The following MAST4 variants were observed in gnomAD, a reference collection of about 807,000 sequenced individuals.
MAST4 encodes the protein microtubule-associated serine/threonine-protein kinase 4.
MAST4 carries 89 observed loss-of-function variants against 162.7 expected under a neutral mutation model. The observed-to-expected ratio is 0.55, with a 90% CI of 0.46 to 0.65. MAST4 has a LOEUF of 0.65. Ranked by LOEUF, MAST4 falls within the 30% of genes least tolerant of loss-of-function variation. MAST4 has a pLI of 0.00. For missense variants in MAST4, 3,153 were observed against 3,374.0 expected (o/e 0.93, Z 1.62); for synonymous variants, 1,479 against 1,361.1 (o/e 1.09, Z -1.91).
chr5:66,678,030 G>A (rs1048258907), intron 1 of MAST4, among the ~76,000 whole-genome samples: 2 of 152,164 alleles, frequency 1.3e-5, no homozygotes, highest in African/African-American at 2.4e-5. Flanking sequence ...GGAATTGGAA[G>A]CATTGAAGAA....
intron 3 of MAST4, among the ~76,000 whole-genome samples, chr5:66,846,267 G>A (rs960116737): frequency 6.6e-6 from 1 of 152,190 alleles, no homozygotes; most frequent in Non-Finnish European, 1.5e-5. Context: ...AGTAGAAGTT[G>A]TATCTGGGAT....
intron 1 of MAST4, among the ~76,000 whole-genome samples, chr5:66,654,785 C>T (rs905762192): frequency 6.6e-6 from 1 of 152,058 alleles, no homozygotes; most frequent in African/African-American, 2.4e-5. Context: ...ATGAGAGAAT[C>T]ACACAAAATT....
chr5:67,022,879 T>C (rs1247657852), intron 4 of MAST4, among the ~76,000 whole-genome samples: 1 of 151,872 alleles, frequency 6.6e-6, no homozygotes, highest in Non-Finnish European at 1.5e-5. Flanking sequence ...ACAGTAGCTT[T>C]TTTTTTTTAA....
intron 2 of MAST4, among the ~76,000 whole-genome samples, chr5:66,783,104 A>G (rs921865476): frequency 6.6e-6 from 1 of 152,188 alleles, no homozygotes; most frequent in African/African-American, 2.4e-5. Flanking sequence ...CATTCATATG[A>G]TTCCTCAGGA....
chr5:66,634,470 G>A (rs867702855), intron 1 of MAST4, among the ~76,000 whole-genome samples: 15 of 152,104 alleles, frequency 9.9e-5, no homozygotes, highest in South Asian at 2.1e-4. Flanking sequence ...CTAGAATTTC[G>A]TATCATGGAT....
chr5:67,100,539 C>T lies in MAST4; in HGVS notation c.1017C>T (p.Ala339=), dbSNP rs1470815872. The change falls in exon 8 of 29, where the codon GCC becomes GCT. Residue 339 remains alanine (A), a synonymous_variant. Coordinates refer to ENST00000403625, the MANE Select transcript of MAST4 (RefSeq NM_001164664.2). ...ATTTCTGTACCACCGAAAGCATCGC[C>T]ACTGAGAACAGATGCAGGAACACGC... is the stretch of plus-strand genomic sequence containing the variant. ...SKHFCTTESI[A]TENRCRNTPM... is the part of the protein sequence containing the mutation. The T allele has an allele frequency of 1.2e-6, 2 of 1,613,970 alleles. No homozygotes were observed. The highest frequency in any genetic ancestry group is 1.7e-6 in the Non-Finnish European group (2 of 1,179,858).
chr5:66,757,470 T>C (rs1753610272), intron 1 of MAST4, among the ~76,000 whole-genome samples: 1 of 152,244 alleles, frequency 6.6e-6, no homozygotes, highest in African/African-American at 2.4e-5. Context: ...AATTTTTTAA[T>C]GTTAAGTCTA....
At chr5:67,099,955 C>T (rs532119198) in intron 7 of MAST4, among the ~76,000 whole-genome samples, 6 of 152,160 alleles carry the variant, frequency 3.9e-5, no homozygotes, top group Non-Finnish European at 7.4e-5. Context: ...TTACTCATGC[C>T]ACACACTGAT....
chr5:66,896,667 T>C (rs1762705795), intron 3 of MAST4, among the ~76,000 whole-genome samples: 1 of 152,242 alleles, frequency 6.6e-6, no homozygotes, highest in African/African-American at 2.4e-5. Context: ...AGCTGTTAAA[T>C]ACCAAAAATT....
chr5:66,777,815 G>C (rs1754673561), intron 2 of MAST4, among the ~76,000 whole-genome samples: 1 of 152,068 alleles, frequency 6.6e-6, no homozygotes, highest in Non-Finnish European at 1.5e-5. Flanking sequence ...GGAGGATGAG[G>C]AGGAAGACAG....
At chr5:66,642,763 A>G (rs1168548045) in intron 1 of MAST4, among the ~76,000 whole-genome samples, 3 of 152,184 alleles carry the variant, frequency 2.0e-5, no homozygotes, top group Admixed American at 6.5e-5. Context: ...TATTCAAACA[A>G]AATTGGTGGC....
rs752899929 is a variant in MAST4, at chr5:67,167,070, A to G, written c.*19A>G. ...CTTGTAACGGGGAGGGCCCAGGGGC[A>G]GGACTGTGGAGACCCGTCCTGAACG... is the stretch of plus-strand genomic sequence containing the variant. On this transcript the variant is annotated 3_prime_UTR_variant, in exon 29 of 29. Coordinates refer to ENST00000403625, the MANE Select transcript of MAST4 (RefSeq NM_001164664.2). 3 of 1,550,428 alleles carry G rather than the reference A, an allele frequency of 1.9e-6. No individual in the cohort carries two copies. The highest frequency in any genetic ancestry group is 2.6e-6 in the Non-Finnish European group (3 of 1,148,254).
At chr5:67,037,590 G>A (rs34364805) in intron 4 of MAST4, among the ~76,000 whole-genome samples, 4 of 152,230 alleles carry the variant, frequency 2.6e-5, no homozygotes, top group Admixed American at 6.5e-5. Flanking sequence ...AAAAATATCA[G>A]GGAAGCAGTT....
chr5:67,142,241 T>C lies in MAST4; in HGVS notation c.2617+4T>C, dbSNP rs1424183797. 1.2e-6 allele frequency: 2 copies of C among 1,613,624 alleles called. No individual in the cohort carries two copies. The highest frequency in any genetic ancestry group is 1.7e-6 in the Non-Finnish European group (2 of 1,179,778). On this transcript the variant is annotated splice_donor_region_variant and intron_variant, in intron 20 of 28. Coordinates refer to ENST00000403625, the MANE Select transcript of MAST4 (RefSeq NM_001164664.2). Reference sequence around the variant, plus strand: ...GATGACACAAGTTATTTTGATAGTATGTGCTTTATCTGACATAAAACATTG... The same window carrying C: ...GATGACACAAGTTATTTTGATAGTACGTGCTTTATCTGACATAAAACATTG...
At chr5:67,070,720 A>G (rs1760853312) in intron 5 of MAST4, among the ~76,000 whole-genome samples, 1 of 152,216 alleles carries the variant, frequency 6.6e-6, no homozygotes, top group Non-Finnish European at 1.5e-5. Flanking sequence ...ACCTGTGTCA[A>G]CAGAAAATCT....
chr5:66,904,219 A>AT (rs1763197340), intron 4 of MAST4, among the ~76,000 whole-genome samples: 5 of 152,298 alleles, frequency 3.3e-5, no homozygotes, highest in African/African-American at 1.2e-4. Context: ...GTCCAAGATG[A>AT]TTAGGAGCAA....
chr5:66,966,151 G>A (rs1009930564), intron 4 of MAST4, among the ~76,000 whole-genome samples: 3 of 152,290 alleles, frequency 2.0e-5, no homozygotes, highest in Middle Eastern at 3.4e-3. Context: ...TTAAATAGTA[G>A]CCTAGGACTG....
intron 1 of MAST4, among the ~76,000 whole-genome samples, chr5:66,729,952 G>T (rs1751740795): frequency 2.0e-5 from 3 of 152,228 alleles, no homozygotes; most frequent in African/African-American, 7.2e-5. Flanking sequence ...AGGACTGTCA[G>T]GGAGCAGCCT....
rs558394106 is a variant in MAST4, at chr5:66,766,819, A to G, written c.517+6957A>G. 2.6e-5 allele frequency among the ~76,000 whole-genome samples: 4 copies of G among 152,366 alleles called. No individual in the cohort carries two copies. The South Asian group carries it at 8.3e-4, about 32-fold the overall frequency. On this transcript the variant is annotated intron_variant, in intron 2 of 28. Coordinates refer to ENST00000403625, the MANE Select transcript of MAST4 (RefSeq NM_001164664.2). ...GTAGCACCATCAAAAGAATGCCTGT[A>G]TAAAAATGGTGTGTGTTAAGATAAT... is the stretch of plus-strand genomic sequence containing the variant.
Sources: gnomAD v4.1 joint callset for allele counts (sites outside exome capture counted in the v4.1 genomes callset) on GRCh38, gnomAD v4.1.1 for gene constraint, MANE v1.5 for transcripts, NCBI Gene and HGNC (gene_info 2026-07-23, HGNC 2026-07-21) for gene names.